ACTN4: variants seen among roughly 807,000 people sequenced by gnomAD.
ACTN4 encodes actinin alpha 4, also known as alpha-actinin-4.
Under a neutral mutation model 114.2 loss-of-function variants are expected in ACTN4, and 18 were observed. That is an observed-to-expected ratio of 0.16 (90% CI 0.11 to 0.23). ACTN4 has a LOEUF of 0.23. Among genes scored for constraint, ACTN4 ranks in the 10% least tolerant of loss-of-function variants. ACTN4 has a pLI of 1.00. For synonymous variants in ACTN4, 515 were observed against 506.3 expected, an observed-to-expected ratio of 1.02 and a Z score of -0.23; for missense variants, 722 against 1,262.9, an observed-to-expected ratio of 0.57 and a Z score of 6.49.
intron 1 of ACTN4, among the ~76,000 whole-genome samples, chr19:38,697,343 G>C (rs1021879779): frequency 1.3e-5 from 2 of 152,234 alleles, no homozygotes; most frequent in Admixed American, 6.5e-5. Context: ...CTGGATCTCA[G>C]CACGTGCTTA....
Position 38,647,740 on chromosome 19 carries a change from G to A in ACTN4, c.-6G>A, listed in dbSNP as rs2144805584. On this transcript the variant is annotated 5_prime_UTR_variant, in exon 1 of 21. Coordinates refer to ENST00000252699, the MANE Select transcript of ACTN4 (RefSeq NM_004924.6). ...ACAGGCTGGTGGGCGAGCGAGAGGC[G>A]GCGGAATGGTGGACTACCACGCGGC... The A allele has an allele frequency of 1.3e-6, 2 of 1,542,770 alleles. No individual in the cohort carries two copies. The highest frequency in any genetic ancestry group is 2.6e-5 in the East Asian group (1 of 38,664).
At chr19:38,709,158 T>C (rs1680972486) in intron 6 of ACTN4, among the ~76,000 whole-genome samples, 1 of 152,184 alleles carries the variant, frequency 6.6e-6, no homozygotes, top group Non-Finnish European at 1.5e-5. Flanking sequence ...TGCATTTTTC[T>C]GGAGAAAAAG....
chr19:38,691,401 CAA>C (rs34899917), intron 1 of ACTN4, among the ~76,000 whole-genome samples: 2 of 52,868 alleles, frequency 3.8e-5, no homozygotes, highest in Admixed American at 2.1e-4. Context: ...AACTCCGTCT[CAA>C]AAAAAAAAAA....
Position 38,730,900 on chromosome 19 carries a change from G to C in ACTN4, c.*1468G>C. The stretch of plus-strand genomic sequence containing the variant: ...TCCACTAAGGAAGAGAAGGAAGACA[G>C]TGGCTTGAGGCAGGGAGCTCGCAGG... On this transcript the variant is annotated 3_prime_UTR_variant, in exon 21 of 21. Coordinates refer to ENST00000252699, the MANE Select transcript of ACTN4 (RefSeq NM_004924.6). 1 of 1,551,136 alleles carries C rather than the reference G, an allele frequency of 6.4e-7. No individual in the cohort carries two copies. The highest frequency in any genetic ancestry group is 1.2e-5 in the South Asian group (1 of 84,104).
chr19:38,662,247 A>C (rs747872547), intron 1 of ACTN4, among the ~76,000 whole-genome samples: 1 of 152,128 alleles, frequency 6.6e-6, no homozygotes, highest in Non-Finnish European at 1.5e-5. Flanking sequence ...TCAAGGAGGG[A>C]GGAACAGCAA....
intron 11 of ACTN4, among the ~76,000 whole-genome samples, chr19:38,718,824 T>C (rs1968934568): frequency 6.6e-6 from 1 of 152,218 alleles, no homozygotes; most frequent in Non-Finnish European, 1.5e-5. Flanking sequence ...CCCACACCTC[T>C]GTGAGCGTGG....
At chr19:38,728,577 C>G (rs1969345868) in intron 19 of ACTN4, among the ~76,000 whole-genome samples, 1 of 152,070 alleles carries the variant, frequency 6.6e-6, no homozygotes, top group South Asian at 2.1e-4. Context: ...CCTCCGATGA[C>G]TTCCCGAGCC....
chr19:38,701,266 C>G, intron 3 of ACTN4, 145 bp downstream of exon 3: 2 of 1,352,590 alleles, frequency 1.5e-6, no homozygotes, highest in Non-Finnish European at 1.0e-6. Flanking sequence ...CAGCAGTGAT[C>G]ACAACAACTG....
chr19:38,665,046 C>T (rs1371728774), intron 1 of ACTN4, among the ~76,000 whole-genome samples: 1 of 152,166 alleles, frequency 6.6e-6, no homozygotes, highest in African/African-American at 2.4e-5. Flanking sequence ...TCAGATGTCA[C>T]TGGGATTCGC....
At chr19:38,716,980 TG>T in intron 9 of ACTN4, 105 bp from the exon 10 acceptor site, 4 of 1,267,248 alleles carry the variant, frequency 3.2e-6, no homozygotes, top group Non-Finnish European at 1.1e-6. Flanking sequence ...CCCCCTAAGG[TG>T]GGGCCCTCAA....
chr19:38,657,380 C>T (rs558553303), intron 1 of ACTN4, among the ~76,000 whole-genome samples: 4 of 152,226 alleles, frequency 2.6e-5, no homozygotes, highest in Middle Eastern at 3.4e-3. Context: ...TGACCTTAAG[C>T]GATCCACCCA....
Position 38,647,844 on chromosome 19 carries a change from C to T in ACTN4, c.99C>T (p.Ala33=). 1.3e-6 allele frequency: 2 copies of T among 1,550,404 alleles called. No homozygotes were observed. Among genetic ancestry groups the T allele is most frequent in the Non-Finnish European group, 1.7e-6 (2 of 1,149,138 alleles). Residue 33 remains alanine, a synonymous_variant, in exon 1 of 21, where the codon GCC becomes GCT. Transcript: ENST00000252699. ...GGGGSMGDYM[A]QEDDWDRDLL... ...GGGGCAGCATGGGCGACTACATGGC[C>T]CAGGAGGACGACTGGGACCGGGACC...
rs868030377 is a variant in ACTN4 at position 38,708,031 on chromosome 19, A to T, written c.573-86A>T. The T allele has an allele frequency of 9.5e-5, 127 of 1,335,618 alleles. 1 individual carries two copies. In the South Asian group the frequency reaches 1.3e-3, roughly 14 times the overall value. The allele number at this position is 1,335,618 out of a possible 1,614,324, so 82.7% of individuals were successfully genotyped here. ...GGCCAGACTGCAGTGAATGGGAATTAGTCACTGCTGTGGGTGCACAGGGCC... is the reference window on the plus strand; with the variant it reads ...GGCCAGACTGCAGTGAATGGGAATTTGTCACTGCTGTGGGTGCACAGGGCC... On this transcript the variant is annotated intron_variant, in intron 5 of 20. Transcript: ENST00000252699.
chr19:38,666,298 C>G (rs1216888800), intron 1 of ACTN4, among the ~76,000 whole-genome samples: 1 of 152,192 alleles, frequency 6.6e-6, no homozygotes, highest in Non-Finnish European at 1.5e-5. Context: ...CCAGCCTCTC[C>G]CCTAACAGGG....
intron 1 of ACTN4, among the ~76,000 whole-genome samples, chr19:38,683,341 C>T (rs546982688): frequency 5.9e-5 from 9 of 152,320 alleles, no homozygotes; most frequent in South Asian, 4.1e-4. Flanking sequence ...TCCTCTTTCT[C>T]GCCCCCCGCC....
chr19:38,723,792 T>G, intron 13 of ACTN4, 70 bp downstream of exon 13: 1 of 1,469,760 alleles, frequency 6.8e-7, no homozygotes, highest in Non-Finnish European at 9.4e-7. Context: ...GTGTGGATAG[T>G]GTCCAGACCT....
intron 1 of ACTN4, among the ~76,000 whole-genome samples, chr19:38,693,146 T>C (rs910273324): frequency 5.0e-4 from 76 of 152,016 alleles, no homozygotes; most frequent in Non-Finnish European, 2.9e-5. Flanking sequence ...AACGTTTTTT[T>C]CTAAAATCTT....
At chr19:38,665,768 A>G (rs1440072265) in intron 1 of ACTN4, among the ~76,000 whole-genome samples, 1 of 152,238 alleles carries the variant, frequency 6.6e-6, no homozygotes, top group Non-Finnish European at 1.5e-5. Context: ...TGCCATAGGC[A>G]GTGCCAGGAA....
chr19:38,659,897 TCCTC>T (rs1976828877), intron 1 of ACTN4, among the ~76,000 whole-genome samples: 1 of 150,816 alleles, frequency 6.6e-6, no homozygotes, highest in South Asian at 2.1e-4. Flanking sequence ...ATGCAAAACT[TCCTC>T]CATCTTATTT....
Sources: gnomAD v4.1 joint callset for allele counts (sites outside exome capture counted in the v4.1 genomes callset) on GRCh38, gnomAD v4.1.1 for gene constraint, MANE v1.5 for transcripts, NCBI Gene and HGNC (gene_info 2026-07-23, HGNC 2026-07-21) for gene names.